NEBL: variants seen among roughly 807,000 people sequenced by gnomAD.
The protein encoded by NEBL is nebulette.
NEBL carries 122 observed loss-of-function variants against 140.2 expected under a neutral mutation model. The ratio of observed to expected loss-of-function variants is 0.87; its 90% CI spans 0.75 to 1.01. The LOEUF is 1.01. Among genes scored for constraint, NEBL ranks in the 50% least tolerant of loss-of-function variants. NEBL has a pLI of 0.00. For missense variants in NEBL, 1,365 were observed against 1,231.3 expected, an observed-to-expected ratio of 1.11 and a Z score of -1.62; for synonymous variants, 436 against 398.9, an observed-to-expected ratio of 1.09 and a Z score of -1.11.
rs1275666542 is a variant in NEBL at position 20,785,734 on chromosome 10, C to T, written c.*13G>A. 1 of 1,612,188 alleles carries T rather than the reference C, an allele frequency of 6.2e-7. No individual in the cohort carries two copies. Among genetic ancestry groups the T allele is most frequent in the Non-Finnish European group, 8.5e-7 (1 of 1,179,250 alleles). ...ATACATTAGAATAAAGCTCAAAGGG[C>T]AGGGAGAAATAATTAATTAACAAAC... On this transcript the variant is annotated 3_prime_UTR_variant, in exon 28 of 28. Transcript: ENST00000377122.
chr10:21,105,587 T>A (rs139181160), intron 2 of NEBL, among the ~76,000 whole-genome samples: 2 of 152,136 alleles, frequency 1.3e-5, no homozygotes, highest in African/African-American at 4.8e-5. Flanking sequence ...AGTCTATCAT[T>A]GATGGACATT....
At chr10:21,186,121 T>C (rs762368521) in intron 3 of NEBL, among the ~76,000 whole-genome samples, 1 of 152,130 alleles carries the variant, frequency 6.6e-6, no homozygotes, top group Non-Finnish European at 1.5e-5. Context: ...ATTTTAAGAC[T>C]TCAGGTGATA....
intron 4 of NEBL, among the ~76,000 whole-genome samples, chr10:20,915,066 G>A (rs1848487913): frequency 6.7e-6 from 1 of 148,976 alleles, no homozygotes. Flanking sequence ...GCCTCCCAGA[G>A]TGCTGAGATT....
At chr10:20,956,195 T>G (rs950712592) in intron 4 of NEBL, among the ~76,000 whole-genome samples, 1 of 152,198 alleles carries the variant, frequency 6.6e-6, no homozygotes, top group African/African-American at 2.4e-5. Context: ...AGAGGTAATT[T>G]TCCGTACATT....
At chr10:20,956,348 ATG>A (rs570401730) in intron 4 of NEBL, among the ~76,000 whole-genome samples, 32 of 152,320 alleles carry the variant, frequency 2.1e-4, no homozygotes, top group African/African-American at 7.5e-4. Flanking sequence ...ATGAGAAAAT[ATG>A]TGTTATTGCC....
Position 20,896,976 on chromosome 10 carries a change from G to A in NEBL, c.135C>T (p.Cys45=), listed in dbSNP as rs757156256. 2.5e-6 allele frequency: 4 copies of A among 1,613,842 alleles called. No homozygotes were observed. The highest frequency in any genetic ancestry group is 2.5e-6 in the Non-Finnish European group (3 of 1,179,906). ...CACTTACATCGCTAATGAGTTCCGT[G>A]CATTTTCTGGCCAATTCCATGCTTA... The part of the protein sequence containing the change: ...EDLSMELARK[C]TELISDIRYK... Residue 45 remains cysteine (C), a synonymous_variant, in exon 2 of 28, where the codon TGC becomes TGT. Coordinates refer to ENST00000377122, the MANE Select transcript of NEBL (RefSeq NM_006393.3).
intron 7 of NEBL, among the ~76,000 whole-genome samples, chr10:20,864,243 TCAA>T (rs1261669190): frequency 6.6e-6 from 1 of 152,222 alleles, no homozygotes; most frequent in Non-Finnish European, 1.5e-5. Flanking sequence ...GTCAATGACT[TCAA>T]CAGTTACTGT....
At chr10:20,869,982 T>C in intron 5 of NEBL, 141 bp from the exon 6 acceptor site, 1 of 679,024 alleles carries the variant, frequency 1.5e-6, no homozygotes, top group Non-Finnish European at 2.7e-6. Context: ...TTTGTGCATC[T>C]ATTTGTATAG....
intron 4 of NEBL, among the ~76,000 whole-genome samples, chr10:20,885,881 G>C (rs183944013): frequency 2.0e-5 from 3 of 152,128 alleles, no homozygotes; most frequent in Non-Finnish European, 4.4e-5. Flanking sequence ...CATGCAGAAC[G>C]TTGACATCAT....
chr10:21,216,817 A>G lies in NEBL; in HGVS notation n.348+31104T>C, dbSNP rs1841998651. 2.0e-5 allele frequency among the ~76,000 whole-genome samples: 3 copies of G among 150,304 alleles called. 1 individual carries two copies. The South Asian group carries it at 6.3e-4, about 32-fold the overall frequency. On this transcript the variant is annotated intron_variant and non_coding_transcript_variant, in intron 3 of 8. Transcript: ENST00000675702. ...AAAAAGAAAAGAAACACGAAAACCC[A>G]TCACTACTAAATATACAAAAATTAG...
chr10:21,038,873 G>A, intron 2 of NEBL, among the ~76,000 whole-genome samples: 1 of 152,138 alleles, frequency 6.6e-6, no homozygotes, highest in South Asian at 2.1e-4. Context: ...ACCAGCATCT[G>A]TTGTTTCCAG....
At chr10:20,995,797 C>T (rs924877442) in intron 3 of NEBL, among the ~76,000 whole-genome samples, 4 of 152,118 alleles carry the variant, frequency 2.6e-5, no homozygotes, top group African/African-American at 9.7e-5. Context: ...GCAGATGCTG[C>T]TCGGCTTGAA....
intron 22 of NEBL, among the ~76,000 whole-genome samples, chr10:20,815,232 A>T (rs892837033): frequency 6.6e-6 from 1 of 152,226 alleles, no homozygotes; most frequent in Non-Finnish European, 1.5e-5. Flanking sequence ...GTAATGATCC[A>T]TCTCCTATTT....
chr10:21,045,926 A>G (rs907758589), intron 2 of NEBL, among the ~76,000 whole-genome samples: 1 of 152,240 alleles, frequency 6.6e-6, no homozygotes, highest in African/African-American at 2.4e-5. Context: ...TCGCATGTTT[A>G]TCACAGCACT....
At chr10:21,135,212 T>C (rs927002270) in intron 2 of NEBL, among the ~76,000 whole-genome samples, 4 of 152,192 alleles carry the variant, frequency 2.6e-5, no homozygotes, top group African/African-American at 9.7e-5. Flanking sequence ...CACATTTTCC[T>C]CTTCCAAACT....
chr10:21,029,212 A>T, intron 2 of NEBL: 1 of 1,453,272 alleles, frequency 6.9e-7, no homozygotes, highest in Admixed American at 1.7e-5. Context: ...TGACCATTCC[A>T]TCCTTCCCAC....
chr10:21,183,328 T>G (rs1564538619), intron 3 of NEBL, among the ~76,000 whole-genome samples: 1 of 151,526 alleles, frequency 6.6e-6, no homozygotes, highest in African/African-American at 2.4e-5. Flanking sequence ...AAGAAAGGCG[T>G]GAGGACAAAT....
intron 3 of NEBL, among the ~76,000 whole-genome samples, chr10:21,207,449 A>T (rs1841845266): frequency 6.6e-6 from 1 of 152,156 alleles, no homozygotes; most frequent in South Asian, 2.1e-4. Context: ...CTCTATAAAG[A>T]TGGCATCATT....
intron 3 of NEBL, among the ~76,000 whole-genome samples, chr10:21,001,757 A>G (rs1837911291): frequency 1.3e-5 from 2 of 152,170 alleles, no homozygotes; most frequent in African/African-American, 4.8e-5. Context: ...AAATTCAAAA[A>G]CCTGCAACCT....
Sources: gnomAD v4.1 joint callset for allele counts (sites outside exome capture counted in the v4.1 genomes callset) on GRCh38, gnomAD v4.1.1 for gene constraint, MANE v1.5 for transcripts, NCBI Gene and HGNC (gene_info 2026-07-23, HGNC 2026-07-21) for gene names.